Variants in PTPRD observed in about 807,000 individuals in gnomAD.
PTPRD encodes the protein protein tyrosine phosphatase receptor type D, also known as receptor-type tyrosine-protein phosphatase delta.
In PTPRD, 34 loss-of-function variants were observed where a neutral mutation model predicts 214.5. That is an observed-to-expected ratio of 0.16 (90% confidence interval 0.12 to 0.21). PTPRD has a LOEUF of 0.21. PTPRD is among the 10% of genes least tolerant of loss of function. The pLI, the probability that PTPRD is intolerant of heterozygous loss-of-function variation, is 1.00. For missense variants in PTPRD, 2,545 were observed against 2,398.7 expected, an observed-to-expected ratio of 1.06 and a Z score of -1.27; for synonymous variants, 1,128 against 845.7, an observed-to-expected ratio of 1.33 and a Z score of -5.79.
intron 11 of PTPRD, among the ~76,000 whole-genome samples, chr9:8,888,052 AAAGG>A (rs1317551691): frequency 6.6e-6 from 1 of 152,224 alleles, no homozygotes; most frequent in Non-Finnish European, 1.5e-5. Flanking sequence ...TGAAAATTTA[AAAGG>A]AAGAATAATT....
chr9:9,383,334 T>G (rs1374466199), intron 9 of PTPRD, among the ~76,000 whole-genome samples: 1 of 152,152 alleles, frequency 6.6e-6, no homozygotes, highest in African/African-American at 2.4e-5. Flanking sequence ...AAATTTTATT[T>G]CTGAGTACAA....
At chr9:8,491,249 CAAAGG>C (rs1048691418) in intron 27 of PTPRD, among the ~76,000 whole-genome samples, 2 of 152,110 alleles carry the variant, frequency 1.3e-5, no homozygotes, top group African/African-American at 2.4e-5. Flanking sequence ...ATGAAAATTC[CAAAGG>C]AATTCTATAT....
intron 7 of PTPRD, among the ~76,000 whole-genome samples, chr9:9,680,782 A>G (rs962079674): frequency 5.9e-5 from 9 of 151,770 alleles, no homozygotes; most frequent in Middle Eastern, 3.4e-3. Context: ...AAAAGAAAAA[A>G]AAAATTGCTG....
intron 8 of PTPRD, among the ~76,000 whole-genome samples, chr9:9,419,300 A>T (rs1244389940): frequency 2.0e-5 from 3 of 151,786 alleles, no homozygotes; most frequent in Non-Finnish European, 3.0e-5. Context: ...ATTCTATCAG[A>T]TTTAATCAAG....
At chr9:9,106,184 T>C (rs1475233687) in intron 10 of PTPRD, among the ~76,000 whole-genome samples, 1 of 152,086 alleles carries the variant, frequency 6.6e-6, no homozygotes, top group Non-Finnish European at 1.5e-5. Context: ...AGGTACATAG[T>C]TTCATTTAAT....
intron 9 of PTPRD, among the ~76,000 whole-genome samples, chr9:9,306,015 G>A (rs1957016134): frequency 6.6e-6 from 1 of 152,106 alleles, no homozygotes; most frequent in South Asian, 2.1e-4. Context: ...TTTTCTTACA[G>A]CAATCATAAG....
chr9:8,494,007 GACACACACAC>G (rs761859777), intron 26 of PTPRD, among the ~76,000 whole-genome samples: 3 of 91,580 alleles, frequency 3.3e-5, no homozygotes, highest in Non-Finnish European at 5.0e-5. Flanking sequence ...CAGACACACA[GACACACACAC>G]ACACACACAC....
At chr9:8,941,294 A>G (rs1396354610) in intron 11 of PTPRD, among the ~76,000 whole-genome samples, 1 of 152,246 alleles carries the variant, frequency 6.6e-6, no homozygotes, top group Non-Finnish European at 1.5e-5. Flanking sequence ...ACTAAACAAG[A>G]GGAGTGTATT....
At chr9:10,285,605 CTTTTTTTTTTTT>C (rs34225956) in intron 3 of PTPRD, among the ~76,000 whole-genome samples, 1 of 104,094 alleles carries the variant, frequency 9.6e-6, no homozygotes, top group East Asian at 3.0e-4. Context: ...GGGGTCTCAT[CTTTTTTTTTTTT>C]TTTTTTTTTT....
In PTPRD at chr9:10,142,708, T is replaced by A. The variant is rs375118898; in HGVS notation, c.-544-108918A>T. ...TAAACTAGTTCAACCATTGTGGAAGTCAGTGTGGCGATTCCTCAGGGATCT... is the reference window on the plus strand; with the variant it reads ...TAAACTAGTTCAACCATTGTGGAAGACAGTGTGGCGATTCCTCAGGGATCT... On this transcript the variant is annotated intron_variant, in intron 3 of 45. Coordinates refer to ENST00000381196, the MANE Select transcript of PTPRD (RefSeq NM_002839.4). 7.4e-3 allele frequency among the ~76,000 whole-genome samples: 1,109 copies of A among 148,958 alleles called. 23 individuals are homozygous for A. The highest frequency in any genetic ancestry group is 0.026 in the African/African-American group (1,046 of 40,122).
At chr9:9,113,088 C>T (rs748344028) in intron 10 of PTPRD, among the ~76,000 whole-genome samples, 5 of 151,760 alleles carry the variant, frequency 3.3e-5, no homozygotes, top group Non-Finnish European at 5.9e-5. Flanking sequence ...CCTCAGCCTC[C>T]CAAGTGGCTA....
intron 8 of PTPRD, among the ~76,000 whole-genome samples, chr9:9,421,739 A>G (rs558044846): frequency 6.6e-6 from 1 of 152,210 alleles, no homozygotes; most frequent in African/African-American, 2.4e-5. Context: ...CTGTACCCTT[A>G]TTGAAAAGCT....
intron 7 of PTPRD, among the ~76,000 whole-genome samples, chr9:9,604,704 T>C (rs564576076): frequency 1.1e-3 from 166 of 152,178 alleles, no homozygotes; most frequent in African/African-American, 4.0e-3. Flanking sequence ...CATATCTATA[T>C]GTATGGGTGG....
chr9:8,577,686 C>T (rs140773439), intron 14 of PTPRD, among the ~76,000 whole-genome samples: 64 of 152,292 alleles, frequency 4.2e-4, no homozygotes, highest in Non-Finnish European at 7.6e-4. Flanking sequence ...ATTCTGGAAA[C>T]GACTTTAATA....
At chr9:8,960,727 C>T (rs1386604840) in intron 11 of PTPRD, among the ~76,000 whole-genome samples, 1 of 152,046 alleles carries the variant, frequency 6.6e-6, no homozygotes, top group Non-Finnish European at 1.5e-5. Flanking sequence ...TAGCTTAATC[C>T]TGACATTCAT....
At chr9:8,517,697 C>T in intron 21 of PTPRD, 151 bp downstream of exon 21, 2 of 665,608 alleles carry the variant, frequency 3.0e-6, no homozygotes, top group Non-Finnish European at 2.6e-6. Context: ...ATGCTTGTTC[C>T]TTTTCAGATA....
intron 3 of PTPRD, among the ~76,000 whole-genome samples, chr9:10,152,522 G>C (rs2099067509): frequency 6.6e-6 from 1 of 151,968 alleles, no homozygotes; most frequent in Non-Finnish European, 1.5e-5. Flanking sequence ...ATATTATTGA[G>C]CCTTAAAGAA....
chr9:9,000,380 G>T (rs559138805), intron 11 of PTPRD, among the ~76,000 whole-genome samples: 2 of 152,128 alleles, frequency 1.3e-5, no homozygotes, highest in South Asian at 2.1e-4. Flanking sequence ...CCTGGATGAA[G>T]ATGGGCAGGT....
chr9:10,074,888 C>T (rs2098107315), intron 3 of PTPRD, among the ~76,000 whole-genome samples: 1 of 152,090 alleles, frequency 6.6e-6, no homozygotes, highest in Non-Finnish European at 1.5e-5. Flanking sequence ...CATTGCTTCC[C>T]TAAACCTCTT....
Sources: gnomAD v4.1 joint callset for allele counts (sites outside exome capture counted in the v4.1 genomes callset) on GRCh38, gnomAD v4.1.1 for gene constraint, MANE v1.5 for transcripts, NCBI Gene and HGNC (gene_info 2026-07-23, HGNC 2026-07-21) for gene names.